The following CAMKMT variants were observed in gnomAD, a reference collection of about 807,000 sequenced individuals.
CAMKMT encodes the protein CaM KMT.
In CAMKMT, 53 loss-of-function variants were observed where a neutral mutation model predicts 48.0. The observed-to-expected ratio is 1.10, with a 90% CI of 0.89 to 1.39. CAMKMT has a LOEUF of 1.39. Among genes scored for constraint, CAMKMT ranks in the 40% most tolerant of loss-of-function variants. CAMKMT has a pLI of 0.00. For synonymous variants in CAMKMT, 165 were observed against 152.3 expected, an observed-to-expected ratio of 1.08 and a Z score of -0.61; for missense variants, 428 against 402.7, an observed-to-expected ratio of 1.06 and a Z score of -0.54.
chr2:44,417,430 C>G lies in CAMKMT; in HGVS notation c.376+27125C>G, dbSNP rs542633793. 5.9e-5 allele frequency among the ~76,000 whole-genome samples: 9 copies of G among 152,058 alleles called. No homozygotes were observed. In the South Asian group the frequency reaches 1.9e-3, roughly 32 times the overall value. ...AAATAAAAATGAAAAATAAATATGCCCACAATTCATTTATGTATTCATCTA... is the reference window on the plus strand; with the variant it reads ...AAATAAAAATGAAAAATAAATATGCGCACAATTCATTTATGTATTCATCTA... On this transcript the variant is annotated intron_variant, in intron 3 of 10. Transcript: ENST00000378494.
chr2:44,614,943 T>TTTTTG (rs1671797574), intron 3 of CAMKMT, among the ~76,000 whole-genome samples: 1 of 122,232 alleles, frequency 8.2e-6, no homozygotes, highest in Non-Finnish European at 1.7e-5. Flanking sequence ...TTGCTTTTTT[T>TTTTTG]TTTTTTTTTT....
At chr2:44,732,734 C>T (rs1338950729) in intron 7 of CAMKMT, among the ~76,000 whole-genome samples, 1 of 152,142 alleles carries the variant, frequency 6.6e-6, no homozygotes, top group Non-Finnish European at 1.5e-5. Context: ...AGTGTCTGTT[C>T]AAATGCTTTG....
intron 8 of CAMKMT, among the ~76,000 whole-genome samples, chr2:44,750,616 C>T (rs545718175): frequency 5.5e-4 from 84 of 152,336 alleles, no homozygotes; most frequent in Middle Eastern, 3.4e-3. Context: ...TACACTATCA[C>T]TATAGTGACT....
At chr2:44,770,987 G>T (rs1681082914) in intron 10 of CAMKMT, among the ~76,000 whole-genome samples, 1 of 152,232 alleles carries the variant, frequency 6.6e-6, no homozygotes, top group South Asian at 2.1e-4. Flanking sequence ...AAAAGGGGAA[G>T]TGGGCTCATG....
chr2:44,627,596 G>T (rs1672558357), intron 3 of CAMKMT, among the ~76,000 whole-genome samples: 1 of 146,982 alleles, frequency 6.8e-6, no homozygotes, highest in Non-Finnish European at 1.5e-5. Context: ...ACTTCTTCTT[G>T]TGTCAATTTT....
chr2:44,526,761 TC>T (rs774443584), intron 3 of CAMKMT, among the ~76,000 whole-genome samples: 109 of 152,264 alleles, frequency 7.2e-4, no homozygotes, highest in Middle Eastern at 3.4e-3. Flanking sequence ...TCTGGAGGGT[TC>T]CCAGGCACAC....
chr2:44,631,485 G>A (rs1047696581), intron 3 of CAMKMT: 6 of 606,420 alleles, frequency 9.9e-6, no homozygotes, highest in African/African-American at 7.7e-5. Flanking sequence ...TATTTTTTTT[G>A]TACAGATGAT....
chr2:44,387,469 G>A (rs972443497), intron 2 of CAMKMT, among the ~76,000 whole-genome samples: 3 of 152,032 alleles, frequency 2.0e-5, no homozygotes, highest in African/African-American at 7.2e-5. Flanking sequence ...TCTATTTTAC[G>A]GTTCTGTGTC....
chr2:44,635,897 G>A (rs1330951811), intron 3 of CAMKMT, among the ~76,000 whole-genome samples: 1 of 152,154 alleles, frequency 6.6e-6, no homozygotes, highest in Admixed American at 6.5e-5. Flanking sequence ...TTTGTTACTT[G>A]CAAGTCACCA....
At chr2:44,521,098 A>G (rs910974917) in intron 3 of CAMKMT, among the ~76,000 whole-genome samples, 3 of 152,182 alleles carry the variant, frequency 2.0e-5, no homozygotes, top group Admixed American at 2.0e-4. Context: ...TATCAGCACA[A>G]CCTATCTCCA....
intron 3 of CAMKMT, among the ~76,000 whole-genome samples, chr2:44,489,868 T>C (rs762691401): frequency 1.1e-4 from 16 of 152,318 alleles, no homozygotes; most frequent in South Asian, 4.1e-4. Context: ...GAACTACTTA[T>C]TGGGTTCCAT....
At chr2:44,456,287 G>A (rs1022364308) in intron 3 of CAMKMT, among the ~76,000 whole-genome samples, 1 of 152,152 alleles carries the variant, frequency 6.6e-6, no homozygotes, top group Non-Finnish European at 1.5e-5. Context: ...GTTATAAATA[G>A]AAGTAATCTG....
chr2:44,601,990 C>G (rs1671019032), intron 3 of CAMKMT, among the ~76,000 whole-genome samples: 1 of 151,800 alleles, frequency 6.6e-6, no homozygotes, highest in African/African-American at 2.4e-5. Flanking sequence ...TTGTAGTCTG[C>G]TTTTTAAAAA....
chr2:44,770,644 T>A (rs1487229400), intron 10 of CAMKMT, among the ~76,000 whole-genome samples: 3 of 152,148 alleles, frequency 2.0e-5, no homozygotes, highest in Non-Finnish European at 4.4e-5. Flanking sequence ...CTAGGGCAAC[T>A]GGCAACAAAA....
At chr2:44,698,593 T>C (rs1361999427) in intron 3 of CAMKMT, among the ~76,000 whole-genome samples, 1 of 152,236 alleles carries the variant, frequency 6.6e-6, no homozygotes, top group Admixed American at 6.5e-5. Context: ...ATACTAATGA[T>C]TATCTGAGCT....
chr2:44,549,199 T>A (rs1284665186), intron 3 of CAMKMT, among the ~76,000 whole-genome samples: 1 of 152,206 alleles, frequency 6.6e-6, no homozygotes, highest in Non-Finnish European at 1.5e-5. Flanking sequence ...AAGAGATGAT[T>A]GCAATCTTCT....
intron 3 of CAMKMT, among the ~76,000 whole-genome samples, chr2:44,566,061 A>T (rs1572815448): frequency 6.6e-6 from 1 of 152,242 alleles, no homozygotes; most frequent in Non-Finnish European, 1.5e-5. Flanking sequence ...TGAATATTTT[A>T]TGTCAATTAA....
chr2:44,481,597 T>C (rs1558647925), intron 3 of CAMKMT, among the ~76,000 whole-genome samples: 1 of 152,114 alleles, frequency 6.6e-6, no homozygotes, highest in Non-Finnish European at 1.5e-5. Context: ...ATGATCACTT[T>C]GTTCTAATTT....
rs146495105 is a variant in CAMKMT, at chr2:44,457,644, G to T, written c.376+67339G>T. Among the ~76,000 whole-genome samples the T allele has an allele frequency of 2.6e-5, 4 of 152,094 alleles. No homozygotes were observed. The South Asian group carries it at 6.2e-4, about 24-fold the overall frequency. On this transcript the variant is annotated intron_variant, in intron 3 of 10. Transcript: ENST00000378494. ...AAACTCCTGACCTCGTGATCCACCCGCCTTGGCCTCCCAAAAGTGCTAGGA... is the reference window on the plus strand; with the variant it reads ...AAACTCCTGACCTCGTGATCCACCCTCCTTGGCCTCCCAAAAGTGCTAGGA...
Sources: gnomAD v4.1 joint callset for allele counts (sites outside exome capture counted in the v4.1 genomes callset) on GRCh38, gnomAD v4.1.1 for gene constraint, MANE v1.5 for transcripts, NCBI Gene and HGNC (gene_info 2026-07-23, HGNC 2026-07-21) for gene names.